The following CACNG8 variants were observed in gnomAD, a reference collection of about 807,000 sequenced individuals.
CACNG8 encodes the protein voltage-dependent calcium channel gamma-8 subunit.
A neutral mutation model predicts 26.9 loss-of-function variants in CACNG8; 5 were observed. The ratio of observed to expected loss-of-function variants is 0.19; its 90% CI spans 0.10 to 0.39. The LOEUF (loss-of-function observed/expected upper bound fraction) is 0.39, where lower values mean the gene tolerates loss of function less well. CACNG8 is among the 10% of genes least tolerant of loss of function. The pLI is 1.00. For synonymous variants in CACNG8, 321 were observed against 296.7 expected, an observed-to-expected ratio of 1.08 and a Z score of -0.84; for missense variants, 473 against 609.4, an observed-to-expected ratio of 0.78 and a Z score of 2.36.
chr19:53,980,384 C>A (rs992209974), intron 3 of CACNG8, among the ~76,000 whole-genome samples: 4 of 151,656 alleles, frequency 2.6e-5, no homozygotes, highest in Non-Finnish European at 5.9e-5. Context: ...GATAGAGAGG[C>A]GGGGCTGGGT....
chr19:53,982,561 C>T lies in CACNG8; in HGVS notation c.990C>T (p.Gly330=). ...TGGCGGGGGCCGGCGGCGGCGGCGGCGGCGCCGTGGGGGCGTTCGGCGGCG... is the reference window on the plus strand; with the variant it reads ...TGGCGGGGGCCGGCGGCGGCGGCGGTGGCGCCGTGGGGGCGTTCGGCGGCG... The change falls in exon 4 of 4, where the codon GGC becomes GGT. Residue 330 remains glycine, a synonymous_variant. Transcript: ENST00000270458. This position sits in a 1 kb window ranked among gnomAD's most constrained non-coding sequence, Gnocchi z 8.4. The T allele has an allele frequency of 8.7e-7, 1 of 1,148,234 alleles. No homozygotes were observed. Among genetic ancestry groups the T allele is most frequent in the Non-Finnish European group, 1.1e-6 (1 of 935,528 alleles). 71.1% of individuals were successfully genotyped at this position (1,148,234 alleles called of 1,614,324 possible). A position where few individuals can be genotyped will look rare whatever the true frequency, so the allele number is the denominator to read the frequency against.
chr19:53,966,063 G>A (rs1037480248), intron 1 of CACNG8, among the ~76,000 whole-genome samples: 4 of 151,636 alleles, frequency 2.6e-5, no homozygotes, highest in Admixed American at 2.0e-4. Context: ...CCATCCCACA[G>A]GTTCTGTTTT....
At chr19:53,977,581 T>A (rs1600033065) in intron 1 of CACNG8, among the ~76,000 whole-genome samples, 2 of 152,088 alleles carry the variant, frequency 1.3e-5, no homozygotes, top group East Asian at 3.9e-4. Flanking sequence ...GACTGGAACC[T>A]CTCTCTCCCC....
At chr19:53,965,082 G>A (rs947979569) in intron 1 of CACNG8, among the ~76,000 whole-genome samples, 5 of 152,196 alleles carry the variant, frequency 3.3e-5, no homozygotes, top group Non-Finnish European at 5.9e-5. Context: ...TCAGAGAAGT[G>A]AAGTCACTTG....
chr19:53,981,793 C>G (rs2069370131), intron 3 of CACNG8, among the ~76,000 whole-genome samples: 1 of 152,162 alleles, frequency 6.6e-6, no homozygotes. Flanking sequence ...TTGGATTAGA[C>G]CAGCAGAGGT....
intron 1 of CACNG8, among the ~76,000 whole-genome samples, chr19:53,963,757 G>A (rs931488905): frequency 1.3e-5 from 2 of 151,432 alleles, no homozygotes; most frequent in Non-Finnish European, 2.9e-5. Flanking sequence ...TCCAGTACCT[G>A]GGGCTCCTCC....
At position 53,983,052 on chromosome 19, in the gene CACNG8, G is replaced by T. The variant is rs996008044; in HGVS notation, c.*203G>T. On this transcript the variant is annotated 3_prime_UTR_variant, in exon 4 of 4. Transcript: ENST00000270458. Reference sequence around the variant, plus strand: ...GAGGGGGCAGGGGAGGGAGGGGGCCGCTGTGAGGGAGCGTCGTGTTTTATT... The same window carrying T: ...GAGGGGGCAGGGGAGGGAGGGGGCCTCTGTGAGGGAGCGTCGTGTTTTATT... 3.8e-6 allele frequency: 1 copy of T among 266,188 alleles called. No homozygotes were observed. The highest frequency in any genetic ancestry group is 7.0e-6 in the Non-Finnish European group (1 of 143,022). The allele number at this position is 266,188 out of a possible 1,614,324, so 16.5% of individuals were successfully genotyped here. A position where few individuals can be genotyped will look rare whatever the true frequency, so the allele number is the denominator to read the frequency against.
intron 1 of CACNG8, among the ~76,000 whole-genome samples, chr19:53,977,679 G>T (rs981533666): frequency 2.6e-5 from 4 of 152,194 alleles, no homozygotes; most frequent in African/African-American, 9.7e-5. Context: ...GGGGTCTCAT[G>T]GGAAATGTAG....
At position 53,988,292 on chromosome 19, in the gene CACNG8, GTGT is replaced by G. The variant is rs2069419719; in HGVS notation, c.*5444_*5446del. On this transcript the variant is annotated 3_prime_UTR_variant, in exon 4 of 4. Transcript: ENST00000270458. Reference sequence around the variant, plus strand: ...GGCAAGTGTGTGTGTGTGTGTGTGTGTGTGTGTGTGTGTAACTGACACAAAGGC... The same window carrying G: ...GGCAAGTGTGTGTGTGTGTGTGTGTGGTGTGTGTGTAACTGACACAAAGGC... 1 of 152,136 alleles carries G rather than the reference GTGT, an allele frequency of 6.6e-6. No individual in the cohort carries two copies. The highest frequency in any genetic ancestry group is 1.5e-5 in the Non-Finnish European group (1 of 68,256). The allele number at this position is 152,136 out of a possible 1,614,324, so 9.4% of individuals were successfully genotyped here.
At chr19:53,978,776 G>A (rs2069345748) in intron 2 of CACNG8, among the ~76,000 whole-genome samples, 1 of 147,800 alleles carries the variant, frequency 6.8e-6, no homozygotes, top group African/African-American at 2.5e-5. Flanking sequence ...GGGCGGGGCG[G>A]GGAGTGGGGG....
chr19:53,975,848 T>C (rs1025032751), intron 1 of CACNG8, among the ~76,000 whole-genome samples: 6 of 152,230 alleles, frequency 3.9e-5, no homozygotes, highest in African/African-American at 1.2e-4. Flanking sequence ...TTTCTGTTTC[T>C]CAGTTTCCAC....
chr19:53,963,283 G>A lies in CACNG8; in HGVS notation c.141G>A (p.Thr47=). Residue 47 remains threonine (T), a synonymous_variant, in exon 1 of 4, where the codon ACG becomes ACA. Transcript: ENST00000270458. ...TCAGCACTGACTACTGGCTCTACACGCGCGCCCTCATCTGCAACACCACCA... is the reference window on the plus strand; with the variant it reads ...TCAGCACTGACTACTGGCTCTACACACGCGCCCTCATCTGCAACACCACCA... The A allele has an allele frequency of 6.2e-7, 1 of 1,609,072 alleles. No homozygotes were observed. Among genetic ancestry groups the A allele is most frequent in the East Asian group, 2.2e-5 (1 of 44,640 alleles).
Position 53,986,400 on chromosome 19 carries a change from T to G in CACNG8, c.*3551T>G, listed in dbSNP as rs999180238. 2.6e-5 allele frequency: 4 copies of G among 152,198 alleles called. No homozygotes were observed. The South Asian group carries it at 6.2e-4, about 24-fold the overall frequency. 9.4% of individuals were successfully genotyped at this position (152,198 alleles called of 1,614,324 possible). On this transcript the variant is annotated 3_prime_UTR_variant, in exon 4 of 4. Transcript: ENST00000270458. ...GCTCTCCTGAAACACACTGGAGAGA[T>G]AAACAATAAATAATATCATTTCAGT...
rs143235938 is a variant in CACNG8 at position 53,984,978 on chromosome 19, A to C, written c.*2129A>C. On this transcript the variant is annotated 3_prime_UTR_variant, in exon 4 of 4. Transcript: ENST00000270458. ...AGAAAAAAAGAGAAAAAGGTGCCTG[A>C]GTTCCAGGCAGAGGGACTGAGGCTC... The C allele has an allele frequency of 6.6e-6, 1 of 152,418 alleles. No homozygotes were observed. The highest frequency in any genetic ancestry group is 1.5e-5 in the Non-Finnish European group (1 of 68,130). The allele number at this position is 152,418 out of a possible 1,614,324, so 9.4% of individuals were successfully genotyped here.
At chr19:53,963,777 T>C (rs2145931370) in intron 1 of CACNG8, among the ~76,000 whole-genome samples, 1 of 151,194 alleles carries the variant, frequency 6.6e-6, no homozygotes, top group East Asian at 1.9e-4. Context: ...CTGTTTCATT[T>C]CTTCCACTCT....
chr19:53,968,545 G>A (rs771323233), intron 1 of CACNG8, among the ~76,000 whole-genome samples: 6 of 151,926 alleles, frequency 3.9e-5, no homozygotes, highest in East Asian at 1.9e-4. Context: ...TGAGACAGGC[G>A]GATCACGAGG....
At chr19:53,981,448 C>A (rs1456840065) in intron 3 of CACNG8, among the ~76,000 whole-genome samples, 1 of 151,628 alleles carries the variant, frequency 6.6e-6, no homozygotes, top group Non-Finnish European at 1.5e-5. Context: ...TTTAGACCAG[C>A]AGAGTTGGGA....
At chr19:53,975,196 C>G (rs1410544139) in intron 1 of CACNG8, among the ~76,000 whole-genome samples, 1 of 152,046 alleles carries the variant, frequency 6.6e-6, no homozygotes, top group African/African-American at 2.4e-5. Flanking sequence ...GATCCACCCA[C>G]CTCAGCCTCC....
At chr19:53,977,989 A>C (rs1190936113) in intron 1 of CACNG8, among the ~76,000 whole-genome samples, 157 bp from the exon 2 acceptor site, 1 of 152,106 alleles carries the variant, frequency 6.6e-6, no homozygotes, top group Non-Finnish European at 1.5e-5. Context: ...AGTTTGTCCC[A>C]TATCACGAGT....
Sources: allele counts gnomAD v4.1 joint callset (sites outside exome capture counted in the v4.1 genomes callset), GRCh38; gene constraint gnomAD v4.1.1; non-coding constraint Gnocchi (gnomAD v3.1); transcripts MANE v1.5; gene names NCBI Gene and HGNC (gene_info 2026-07-23, HGNC 2026-07-21).